PSME2: variants seen among roughly 807,000 people sequenced by gnomAD.
PSME2 encodes proteasome activator complex subunit 2.
In PSME2, 20 loss-of-function variants were observed where a neutral mutation model predicts 38.8. That is an observed-to-expected ratio of 0.52 (90% CI 0.36 to 0.75). PSME2 has a LOEUF of 0.75. Among genes scored for constraint, PSME2 ranks in the 30% least tolerant of loss-of-function variants. The probability of loss-of-function intolerance (pLI) is 0.00; values close to 1 mark genes in which losing one functional copy is unlikely to be tolerated. For missense variants in PSME2, 227 were observed against 287.6 expected (o/e 0.79, Z 1.52); for synonymous variants, 82 against 102.5 (o/e 0.80, Z 1.21).
At position 24,143,372 on chromosome 14, in the gene PSME2, A is replaced by C; in HGVS notation, c.*37T>G. The C allele has an allele frequency of 6.3e-7, 1 of 1,577,008 alleles. No homozygotes were observed. Among genetic ancestry groups the C allele is most frequent in the East Asian group, 2.2e-5 (1 of 44,708 alleles). On this transcript the variant is annotated 3_prime_UTR_variant, in exon 11 of 11. Transcript: ENST00000216802. This position sits in a 1 kb window ranked among gnomAD's most constrained non-coding sequence, Gnocchi z 4.4. Reference sequence around the variant, plus strand: ...ACACACGCCAGAAGGGAATCCACACAACATATAGATCATTTATTTTCCTTC... The same window carrying C: ...ACACACGCCAGAAGGGAATCCACACCACATATAGATCATTTATTTTCCTTC...
chr14:24,145,712 G>A lies in PSME2; in HGVS notation c.142C>T (p.Gln48Ter). The change falls in exon 3 of 11, where the codon CAA (glutamine) becomes TAA (stop). Residue 48 changes from glutamine to a stop codon, truncating the protein, a stop_gained and splice_region_variant. Coordinates refer to ENST00000216802, the MANE Select transcript of PSME2 (RefSeq NM_002818.3). LOFTEE classifies it high-confidence loss of function. ...QKIIYLNQLL[Q>*]EDSLNVADLT... Reference sequence around the variant, plus strand: ...CAGAAGGGGCCCACACTACTCACTTGCAAGAGCTGATTCAGGTATATGATT... The same window carrying A: ...CAGAAGGGGCCCACACTACTCACTTACAAGAGCTGATTCAGGTATATGATT... The A allele has an allele frequency of 6.2e-7, 1 of 1,613,640 alleles. No individual in the cohort carries two copies. The highest frequency in any genetic ancestry group is 8.5e-7 in the Non-Finnish European group (1 of 1,179,546).
rs2038106540 is a variant in PSME2 at position 24,143,509 on chromosome 14, C to T, written c.640-20G>A. The T allele has an allele frequency of 6.2e-7, 1 of 1,613,832 alleles. No homozygotes were observed. Among genetic ancestry groups the T allele is most frequent in the African/African-American group, 1.3e-5 (1 of 75,012 alleles). ...CTCAGCCTGGGAGAAGGCCAGAGTG[C>T]AAGAGTCAGGTTCTTAGCCAATCCC... On this transcript the variant is annotated intron_variant, in intron 10 of 10. Coordinates refer to ENST00000216802, the MANE Select transcript of PSME2 (RefSeq NM_002818.3). This position sits in a 1 kb window ranked among gnomAD's most constrained non-coding sequence, Gnocchi z 4.4.
Position 24,145,869 on chromosome 14 carries a change from A to G in PSME2, c.82-97T>C. On this transcript the variant is annotated intron_variant, in intron 2 of 10. Coordinates refer to ENST00000216802, the MANE Select transcript of PSME2 (RefSeq NM_002818.3). ...AGGGCCTTTGGAAATCACTGGGTCCAAGACTTGCAAATGAGGAAACTGAAG... is the reference window on the plus strand; with the variant it reads ...AGGGCCTTTGGAAATCACTGGGTCCGAGACTTGCAAATGAGGAAACTGAAG... The G allele has an allele frequency of 2.3e-6, 3 of 1,306,694 alleles. No homozygotes were observed. In the South Asian group the frequency reaches 3.6e-5, roughly 16 times the overall value. The allele number at this position is 1,306,694 out of a possible 1,614,324, so 80.9% of individuals were successfully genotyped here. A position where few individuals can be genotyped will look rare whatever the true frequency, so the allele number is the denominator to read the frequency against.
chr14:24,144,585 GT>G, intron 6 of PSME2, 117 bp from the exon 7 acceptor site: 1 of 937,986 alleles, frequency 1.1e-6, no homozygotes, highest in Non-Finnish European at 1.7e-6. Flanking sequence ...ACCAGGTACT[GT>G]GCCATGTATT....
rs751581593 is a variant in PSME2, at chr14:24,146,259, C to A, written c.49-19G>T. On this transcript the variant is annotated intron_variant, in intron 1 of 10. Transcript: ENST00000216802. ...CCTCCACCTACACAGAGAGCAGTAC[C>A]CGGATGTTGGTTAAGGGTCTGGGTT... 6.8e-6 allele frequency: 11 copies of A among 1,613,562 alleles called. No homozygotes were observed. Among genetic ancestry groups the A allele is most frequent in the Non-Finnish European group, 8.5e-6 (10 of 1,179,568 alleles).
At chr14:24,146,181 T>C (rs1594370849) in intron 2 of PSME2, 27 bp downstream of exon 2, 1 of 1,611,296 alleles carries the variant, frequency 6.2e-7, no homozygotes, top group South Asian at 1.1e-5. Context: ...AGATTCTGGG[T>C]CAAATCGCTC....
chr14:24,144,570 TACA>T, intron 6 of PSME2, 102 bp from the exon 7 acceptor site: 1 of 1,092,214 alleles, frequency 9.2e-7, no homozygotes, highest in Non-Finnish European at 1.4e-6. Flanking sequence ...GGGTACTTAT[TACA>T]TACCAGGTAC....
Position 24,144,222 on chromosome 14 carries a change from T to A in PSME2, c.467A>T (p.Lys156Ile). 2 of 1,614,212 alleles carry A rather than the reference T, an allele frequency of 1.2e-6. No homozygotes were observed. Among genetic ancestry groups the A allele is most frequent in the South Asian group, 2.2e-5 (2 of 91,078 alleles). ...VLERVNAVKT[K>I]VEAFQTTISK... ...AATGGTTGTCTGGAAAGCTTCCACTTTGGTCTTGACGGCATTCACCCTCTC... is the reference window on the plus strand; with the variant it reads ...AATGGTTGTCTGGAAAGCTTCCACTATGGTCTTGACGGCATTCACCCTCTC... The change falls in exon 8 of 11, where the codon AAA becomes ATA. Residue 156 changes from lysine to isoleucine, a missense_variant. This residue lies in a region of PSME2 where 99 missense variants were observed against 113.9 expected (regional missense o/e 0.87). Transcript: ENST00000216802.
chr14:24,144,925 TA>T, intron 6 of PSME2, 132 bp downstream of exon 6: 1 of 903,132 alleles, frequency 1.1e-6, no homozygotes, highest in Non-Finnish European at 1.7e-6. Context: ...AAAGGGGATC[TA>T]AGCCCAAGGC....
intron 2 of PSME2, 26 bp from the exon 3 acceptor site, chr14:24,145,798 G>GA (rs756982689): frequency 6.3e-7 from 1 of 1,593,378 alleles, no homozygotes; most frequent in South Asian, 1.1e-5. Context: ...CAAGGGAGGG[G>GA]AATCACAGAA....
chr14:24,146,369 C>T (rs1566610408), intron 1 of PSME2, 129 bp from the exon 2 acceptor site: 5 of 1,422,132 alleles, frequency 3.5e-6, no homozygotes, highest in Non-Finnish European at 3.9e-6. Context: ...CTGGAAGCTC[C>T]TGCTCACTGC....
chr14:24,146,060 C>T (rs2038149534), intron 2 of PSME2, 148 bp downstream of exon 2: 3 of 982,988 alleles, frequency 3.1e-6, no homozygotes, highest in Non-Finnish European at 1.6e-6. Flanking sequence ...AGGTAGCTAT[C>T]AATAATTCCG....
In PSME2 at chr14:24,145,084, A is replaced by T. The variant is rs1696715834; in HGVS notation, c.334T>A (p.Trp112Arg). 1 of 1,613,510 alleles carries T rather than the reference A, an allele frequency of 6.2e-7. No homozygotes were observed. The highest frequency in any genetic ancestry group is 8.5e-7 in the Non-Finnish European group (1 of 1,179,624). The change falls in exon 6 of 11, where the codon TGG becomes AGG. Residue 112 changes from tryptophan (W) to arginine (R), a missense_variant. Physicochemically the swap from Trp to Arg is moderately radical, Grantham distance 101. Transcript: ENST00000216802. ...SLLALVKPEVWTLKEKCILVI... is the reference protein window; with the variant it reads ...SLLALVKPEVRTLKEKCILVI... ...AGAATGCATTTCTCTTTGAGAGTCCAGACTTCTGGCTTAACCAGGGCAAGC... is the reference window on the plus strand; with the variant it reads ...AGAATGCATTTCTCTTTGAGAGTCCTGACTTCTGGCTTAACCAGGGCAAGC...
intron 5 of PSME2, 32 bp downstream of exon 5, chr14:24,145,211 C>A (rs1307886218): frequency 6.2e-7 from 1 of 1,613,254 alleles, no homozygotes; most frequent in African/African-American, 1.3e-5. Context: ...TGTGCCATCA[C>A]CCCTTCCCTA....
Position 24,144,008 on chromosome 14 carries a change from A to T in PSME2, c.519T>A (p.Asp173Glu), listed in dbSNP as rs746848220. 5 of 1,614,078 alleles carry T rather than the reference A, an allele frequency of 3.1e-6. No individual in the cohort carries two copies. Among genetic ancestry groups the T allele is most frequent in the East Asian group, 2.2e-5 (1 of 44,890 alleles). The change falls in exon 9 of 11, where the codon GAT (aspartate) becomes GAA (glutamate). Residue 173 changes from aspartate to glutamate, a missense_variant. This residue lies in a region of PSME2 where 99 missense variants were observed against 113.9 expected (regional missense o/e 0.87). Transcript: ENST00000216802. ...TCTCCTTGGAGGCCTTGGCCACAGC[A>T]TCCCCACGTTCTGAGAAGTACCTGC... ...TISKYFSERGDAVAKASKETH... is the reference protein window; with the variant it reads ...TISKYFSERGEAVAKASKETH...
intron 6 of PSME2, 159 bp from the exon 7 acceptor site, chr14:24,144,627 G>A: frequency 1.4e-6 from 1 of 724,388 alleles, no homozygotes; most frequent in East Asian, 2.7e-5. Flanking sequence ...GCAACCTTCA[G>A]AGATATGTAT....
chr14:24,145,596 C>T, intron 3 of PSME2, 114 bp downstream of exon 3: 1 of 1,470,902 alleles, frequency 6.8e-7, no homozygotes. Context: ...CCTAATGTTC[C>T]TAATCCACTA....
intron 2 of PSME2, 101 bp downstream of exon 2, chr14:24,146,107 G>A (rs942226231): frequency 7.1e-7 from 1 of 1,415,848 alleles, no homozygotes; most frequent in African/African-American, 1.4e-5. Flanking sequence ...AGGGAAGTAG[G>A]GTTAAGTCTA....
chr14:24,143,728 G>A lies in PSME2; in HGVS notation c.553-57C>T. 2 of 1,558,694 alleles carry A rather than the reference G, an allele frequency of 1.3e-6. No individual in the cohort carries two copies. The highest frequency in any genetic ancestry group is 1.7e-5 in the Admixed American group (1 of 59,566). On this transcript the variant is annotated intron_variant, in intron 9 of 10. Coordinates refer to ENST00000216802, the MANE Select transcript of PSME2 (RefSeq NM_002818.3). The surrounding 1 kb of genome is among the most constrained non-coding windows in gnomAD (Gnocchi z 4.4). ...CCATGGGAGGCTGGGACATGAGTCT[G>A]GTTTCCTTTTATAGGAAATAGGTTA...
Sources: gnomAD v4.1 joint callset for allele counts on GRCh38, gnomAD v4.1.1 for gene constraint, gnomAD v4.1.1 regional missense constraint, Gnocchi (gnomAD v3.1) non-coding constraint, MANE v1.5 for transcripts, NCBI Gene and HGNC (gene_info 2026-07-23, HGNC 2026-07-21) for gene names.